ZPLD1: variants seen among roughly 807,000 people sequenced by gnomAD.
ZPLD1 encodes the protein zona pellucida like domain containing 1, also known as zona pellucida-like domain-containing protein 1.
ZPLD1 carries 34 observed loss-of-function variants against 47.2 expected under a neutral mutation model. The observed-to-expected ratio is 0.72, with a 90% CI of 0.55 to 0.96. The LOEUF is 0.96. ZPLD1 is among the 40% of genes least tolerant of loss of function. ZPLD1 has a pLI of 0.00. For missense variants in ZPLD1, 512 were observed against 505.8 expected (o/e 1.01, Z -0.12); for synonymous variants, 176 against 186.2 (o/e 0.95, Z 0.45).
At chr3:102,432,284 A>G (rs1707025368), upstream of ZPLD1, among the ~76,000 whole-genome samples, 1 of 152,190 alleles carries the variant, frequency 6.6e-6, no homozygotes, top group East Asian at 1.9e-4. Flanking sequence ...GCCTGTGGAG[A>G]GTAGCTGCTC....
chr3:102,388,455 CTGTGTGTG>C (rs55700835), intron 6 of ZPLD1, among the ~76,000 whole-genome samples: 1,565 of 135,472 alleles, frequency 0.012, 19 homozygotes, highest in Non-Finnish European at 0.02. Flanking sequence ...CTCTCTCTGT[CTGTGTGTG>C]TGTGTGTGTG....
At chr3:102,477,232 T>G (rs961605985) in intron 11 of ZPLD1, among the ~76,000 whole-genome samples, 191 bp downstream of exon 11, 3 of 152,106 alleles carry the variant, frequency 2.0e-5, no homozygotes, top group Non-Finnish European at 4.4e-5. Context: ...CTTTTTGGTA[T>G]TTTTGATTTT....
At chr3:102,454,310 T>G (rs879874865) in intron 4 of ZPLD1, among the ~76,000 whole-genome samples, 4 of 152,184 alleles carry the variant, frequency 2.6e-5, no homozygotes, top group African/African-American at 4.8e-5. Context: ...GCAGAGAGGT[T>G]ATGAAGTGGA....
At chr3:102,393,027 T>A (rs1388538426) in intron 7 of ZPLD1, among the ~76,000 whole-genome samples, 1 of 152,180 alleles carries the variant, frequency 6.6e-6, no homozygotes, top group Non-Finnish European at 1.5e-5. Context: ...AACACATGTA[T>A]CTGGTACGTC....
At chr3:102,476,636 TA>T (rs1346768685) in intron 10 of ZPLD1, among the ~76,000 whole-genome samples, 1 of 152,066 alleles carries the variant, frequency 6.6e-6, no homozygotes, top group African/African-American at 2.4e-5. Context: ...TATAGGGCCA[TA>T]AAAAATGTAA....
In ZPLD1 at chr3:102,435,163, G is replaced by A. The variant is rs749573251; in HGVS notation, c.-123+9G>A. ...CAGGGGAAATGATGAAGGTAAGGTT[G>A]AGGATGGGAAATTTGCAAGATAATA... On this transcript the variant is annotated intron_variant, in intron 1 of 11. Coordinates refer to ENST00000466937, the MANE Select transcript of ZPLD1 (RefSeq NM_001329788.2). 1.9e-6 allele frequency: 3 copies of A among 1,614,130 alleles called. No homozygotes were observed. Among genetic ancestry groups the A allele is most frequent in the Admixed American group, 3.3e-5 (2 of 60,024 alleles).
chr3:102,452,231 T>C (rs1443919827), intron 3 of ZPLD1, among the ~76,000 whole-genome samples: 2 of 149,424 alleles, frequency 1.3e-5, no homozygotes, highest in Non-Finnish European at 3.0e-5. Flanking sequence ...GCAAATTGTG[T>C]TTTACATTTC....
chr3:102,476,990 T>G (rs1293611465), intron 10 of ZPLD1, 22 bp from the exon 11 acceptor site: 3 of 1,612,636 alleles, frequency 1.9e-6, no homozygotes, highest in Non-Finnish European at 2.5e-6. Flanking sequence ...GTCACTTCTC[T>G]TTTTCTGTTT....
At chr3:102,435,263 T>C (rs888364872) in intron 1 of ZPLD1, 109 bp downstream of exon 1, 21 of 1,233,456 alleles carry the variant, frequency 1.7e-5, no homozygotes, top group African/African-American at 3.0e-5. Context: ...GCCAAGACTA[T>C]AGAGATTCAA....
chr3:102,403,920 C>T (rs1706653255), intron 7 of ZPLD1, among the ~76,000 whole-genome samples: 1 of 151,980 alleles, frequency 6.6e-6, no homozygotes, highest in Non-Finnish European at 1.5e-5. Flanking sequence ...CAGAGATATT[C>T]ACAGTATTTC....
chr3:102,394,881 G>T (rs1706539379), intron 7 of ZPLD1, among the ~76,000 whole-genome samples: 1 of 152,080 alleles, frequency 6.6e-6, no homozygotes, highest in Admixed American at 6.6e-5. Flanking sequence ...TTTTTAAGAG[G>T]GTAGACTCTC....
At chr3:102,476,877 C>A in intron 10 of ZPLD1, 135 bp from the exon 11 acceptor site, 2 of 1,006,516 alleles carry the variant, frequency 2.0e-6, no homozygotes, top group Non-Finnish European at 1.5e-6. Flanking sequence ...TTGCCTTACT[C>A]AAGGAGATTA....
In ZPLD1 at chr3:102,464,224, A is replaced by G. The variant is rs1379345805; in HGVS notation, c.734A>G (p.Asp245Gly). The change falls in exon 8 of 12, where the codon GAT (aspartate) becomes GGT (glycine). Residue 245 changes from aspartate to glycine, a missense_variant. Transcript: ENST00000466937. ...ACTACCCCATCAGGAAACCCAAATG[A>G]TGACATTCGATATGATCTTTTCCTT... ...CYTTPSGNPN[D>G]DIRYDLFLSC... is the part of the protein sequence containing the mutation. 2.5e-6 allele frequency: 4 copies of G among 1,612,768 alleles called. No homozygotes were observed. The highest frequency in any genetic ancestry group is 3.4e-6 in the Non-Finnish European group (4 of 1,178,980).
chr3:102,461,618 A>C (rs1707508275), intron 6 of ZPLD1, among the ~76,000 whole-genome samples: 1 of 151,940 alleles, frequency 6.6e-6, no homozygotes, highest in East Asian at 1.9e-4. Context: ...GTAATGAGTA[A>C]ATGTCTCATT....
At chr3:102,477,195 T>C (rs1344573792) in intron 11 of ZPLD1, among the ~76,000 whole-genome samples, 154 bp downstream of exon 11, 6 of 152,174 alleles carry the variant, frequency 3.9e-5, no homozygotes, top group East Asian at 1.9e-4. Flanking sequence ...ATGTGATCTA[T>C]TGGTCAATTT....
chr3:102,464,198 T>C lies in ZPLD1; in HGVS notation c.708T>C (p.Tyr236=). 1 of 1,613,038 alleles carries C rather than the reference T, an allele frequency of 6.2e-7. No individual in the cohort carries two copies. ...GGAATGTTTTAATGGATTATTGCTA[T>C]ACTACCCCATCAGGAAACCCAAATG... The part of the protein sequence containing the change: ...GRWNVLMDYC[Y]TTPSGNPNDD... The change falls in exon 8 of 12, where the codon TAT becomes TAC. Residue 236 remains tyrosine (Y), a synonymous_variant. Transcript: ENST00000466937.
intron 3 of ZPLD1, among the ~76,000 whole-genome samples, chr3:102,444,355 T>C (rs1035691476): frequency 6.6e-6 from 1 of 152,176 alleles, no homozygotes. Context: ...ACAAAACCTG[T>C]TCAATATACA....
intron 6 of ZPLD1, among the ~76,000 whole-genome samples, chr3:102,460,485 T>C (rs950559487): frequency 2.6e-5 from 4 of 152,034 alleles, no homozygotes; most frequent in Admixed American, 2.0e-4. Flanking sequence ...ATGTCAGTTT[T>C]GTTCATTGTG....
At chr3:102,428,346 T>C (rs1706974946) in intron 8 of ZPLD1, among the ~76,000 whole-genome samples, 1 of 152,214 alleles carries the variant, frequency 6.6e-6, no homozygotes, top group Non-Finnish European at 1.5e-5. Context: ...TTGTGTTCAC[T>C]ATGATGTTTT....
Sources: allele counts gnomAD v4.1 joint callset (sites outside exome capture counted in the v4.1 genomes callset), GRCh38; gene constraint gnomAD v4.1.1; transcripts MANE v1.5; gene names NCBI Gene and HGNC (gene_info 2026-07-23, HGNC 2026-07-21).